SEMA3A: variants seen among roughly 807,000 people sequenced by gnomAD.
SEMA3A encodes the protein semaphorin 3A.
SEMA3A carries 29 observed loss-of-function variants against 97.9 expected under a neutral mutation model. The observed-to-expected ratio is 0.30, with a 90% confidence interval of 0.22 to 0.40. SEMA3A has a LOEUF of 0.40. Ranked by LOEUF, SEMA3A falls within the 10% of genes least tolerant of loss-of-function variation. The pLI is 1.00. For synonymous variants in SEMA3A, 321 were observed against 323.7 expected (o/e 0.99, Z 0.09); for missense variants, 763 against 951.3 (o/e 0.80, Z 2.60).
chr7:84,405,492 A>G (rs1029320515), intron 1 of SEMA3A, among the ~76,000 whole-genome samples: 4 of 152,196 alleles, frequency 2.6e-5, no homozygotes, highest in African/African-American at 7.2e-5. Context: ...TCAACGAGAC[A>G]GAAAGTTAAC....
intron 2 of SEMA3A, among the ~76,000 whole-genome samples, chr7:84,322,013 A>G (rs763349748): frequency 2.8e-4 from 42 of 151,674 alleles, no homozygotes; most frequent in Non-Finnish European, 5.0e-4. Context: ...AAAACTTATC[A>G]TGGTGGAAAT....
chr7:84,023,232 C>A (rs1791391947), intron 6 of SEMA3A, among the ~76,000 whole-genome samples: 1 of 152,168 alleles, frequency 6.6e-6, no homozygotes, highest in African/African-American at 2.4e-5. Flanking sequence ...GCAGCTTGAG[C>A]TTATTTAAAT....
At chr7:84,143,920 ATCTCTC>A (rs142920312) in intron 1 of SEMA3A, among the ~76,000 whole-genome samples, 24,082 of 127,906 alleles carry the variant, frequency 0.19, 2,748 homozygotes, top group Middle Eastern at 0.24. Context: ...TACTGTCCTA[ATCTCTC>A]TCTCTCTCTC....
At chr7:84,150,232 A>T (rs935370821) in intron 1 of SEMA3A, among the ~76,000 whole-genome samples, 3 of 152,220 alleles carry the variant, frequency 2.0e-5, no homozygotes, top group East Asian at 1.9e-4. Flanking sequence ...ATTGCTGTAG[A>T]AGCTGAGATT....
intron 3 of SEMA3A, among the ~76,000 whole-genome samples, chr7:84,116,035 T>C (rs1795418541): frequency 6.6e-6 from 1 of 152,118 alleles, no homozygotes; most frequent in African/African-American, 2.4e-5. Context: ...TAATTGCATG[T>C]GAGATGTAGC....
intron 1 of SEMA3A, among the ~76,000 whole-genome samples, chr7:84,162,601 A>G (rs1375143021): frequency 3.3e-5 from 5 of 151,770 alleles, no homozygotes; most frequent in Non-Finnish European, 7.4e-5. Flanking sequence ...TTAAAAAAAA[A>G]TAGATATGAT....
chr7:84,237,568 T>A (rs193219450), intron 3 of SEMA3A, among the ~76,000 whole-genome samples: 33 of 152,234 alleles, frequency 2.2e-4, no homozygotes, highest in African/African-American at 7.7e-4. Context: ...TACATTATCA[T>A]CTCTTATACT....
intron 3 of SEMA3A, among the ~76,000 whole-genome samples, chr7:84,296,365 C>T (rs1447887717): frequency 4.6e-5 from 7 of 152,076 alleles, no homozygotes. Context: ...GAGCAACACG[C>T]TTATCTACTA....
At chr7:84,099,950 G>A (rs1794907006) in intron 4 of SEMA3A, among the ~76,000 whole-genome samples, 1 of 152,184 alleles carries the variant, frequency 6.6e-6, no homozygotes, top group African/African-American at 2.4e-5. Context: ...AAACTTGCAT[G>A]GTTCTTGACT....
chr7:84,334,240 G>C (rs1029850893), intron 2 of SEMA3A, among the ~76,000 whole-genome samples: 1 of 151,552 alleles, frequency 6.6e-6, no homozygotes, highest in South Asian at 2.1e-4. Context: ...TACAAATTTT[G>C]TTTTCATAAA....
At chr7:84,106,411 G>C (rs889478129) in intron 4 of SEMA3A, among the ~76,000 whole-genome samples, 2 of 152,120 alleles carry the variant, frequency 1.3e-5, no homozygotes, top group African/African-American at 2.4e-5. Flanking sequence ...TGTAGCCTAG[G>C]TATATAGTAG....
intron 3 of SEMA3A, among the ~76,000 whole-genome samples, chr7:84,207,441 G>A (rs1213345842): frequency 6.6e-6 from 1 of 152,090 alleles, no homozygotes; most frequent in African/African-American, 2.4e-5. Flanking sequence ...AACCCACTAA[G>A]ATTAATTTGA....
rs756067121 is a variant in SEMA3A, at chr7:84,443,284, CA to C, written c.-246+49175del. On this transcript the variant is annotated intron_variant, in intron 1 of 3. Coordinates refer to the SEMA3A transcript ENST00000424555. ...GATCACACAAAGTACAAGGGAACTT[CA>C]AAAATTTCATAACATGGAATTAAAA... 1.3e-3 allele frequency among the ~76,000 whole-genome samples: 195 copies of C among 152,144 alleles called. 1 individual carries two copies. The highest frequency in any genetic ancestry group is 2.9e-3 in the South Asian group (14 of 4,822).
Position 83,968,873 on chromosome 7 carries a change from C to T in SEMA3A, c.1718-5526G>A, listed in dbSNP as rs144426314. Among the ~76,000 whole-genome samples the T allele has an allele frequency of 5.5e-3, 770 of 139,654 alleles. 8 individuals are homozygous for T. Among genetic ancestry groups the T allele is most frequent in the African/African-American group, 0.019 (704 of 37,102 alleles). The allele number at this position is 139,654 out of a possible 152,430, so 91.6% of individuals were successfully genotyped here. On this transcript the variant is annotated intron_variant, in intron 15 of 16. Transcript: ENST00000265362. ...TCACCCAGGCTGGAGTGCAGTGGCA[C>T]GATCTCGGCTCACTGCAACCTCCGC...
chr7:84,019,742 T>C (rs1002047908), intron 6 of SEMA3A, among the ~76,000 whole-genome samples: 1 of 152,004 alleles, frequency 6.6e-6, no homozygotes, highest in South Asian at 2.1e-4. Flanking sequence ...AAAAAATAGA[T>C]TTGTATACTT....
intron 1 of SEMA3A, among the ~76,000 whole-genome samples, chr7:84,175,030 T>C (rs1173918610): frequency 2.0e-5 from 3 of 152,202 alleles, no homozygotes; most frequent in African/African-American, 4.8e-5. Flanking sequence ...AATTGAACTC[T>C]TGCAGCCTTT....
chr7:84,033,831 T>C (rs73185458), intron 6 of SEMA3A, among the ~76,000 whole-genome samples: 7,045 of 152,142 alleles, frequency 0.046, 278 homozygotes, highest in East Asian at 0.19. Context: ...ATCCCATGGA[T>C]GCACATCCTT....
intron 1 of SEMA3A, among the ~76,000 whole-genome samples, chr7:84,391,139 T>A (rs1803562407): frequency 6.6e-6 from 1 of 152,150 alleles, no homozygotes. Flanking sequence ...TTAGGAGGAT[T>A]CAAGTGACGT....
intron 1 of SEMA3A, among the ~76,000 whole-genome samples, chr7:84,166,483 A>G (rs1797209472): frequency 6.6e-6 from 1 of 150,976 alleles, no homozygotes; most frequent in Admixed American, 6.6e-5. Context: ...AGGCAGGAGA[A>G]TTGCTTGAAC....
Sources: allele counts gnomAD v4.1 joint callset (sites outside exome capture counted in the v4.1 genomes callset), GRCh38; gene constraint gnomAD v4.1.1; transcripts MANE v1.5; gene names NCBI Gene and HGNC (gene_info 2026-07-23, HGNC 2026-07-21).